SHROOM2: variants seen among roughly 807,000 people sequenced by gnomAD.
The protein encoded by SHROOM2 is protein Shroom2.
SHROOM2 carries 33 observed loss-of-function variants against 75.9 expected under a neutral mutation model. The ratio of observed to expected loss-of-function variants is 0.43; its 90% CI spans 0.33 to 0.58. SHROOM2 has a LOEUF of 0.58. Among genes scored for constraint, SHROOM2 ranks in the 20% least tolerant of loss-of-function variants. The pLI, the probability that SHROOM2 is intolerant of heterozygous loss-of-function variation, is 0.04. For synonymous variants in SHROOM2, 655 were observed against 663.6 expected (o/e 0.99, Z 0.20); for missense variants, 1,434 against 1,461.2 (o/e 0.98, Z 0.30).
At chrX:9,882,903 T>A (rs1339056062) in intron 2 of SHROOM2, among the ~76,000 whole-genome samples, 1 of 112,505 alleles carries the variant, frequency 8.9e-6, no homozygotes, top group East Asian at 2.8e-4. Context: ...TACTTGCCTC[T>A]TATCTCCTAG....
In SHROOM2 at chrX:9,894,454, C is replaced by G; in HGVS notation, c.546C>G (p.Asp182Glu). The change falls in exon 4 of 10, where the codon GAC becomes GAG. Residue 182 changes from aspartate to glutamate, a missense_variant. By Grantham distance (45) the Asp-to-Glu change is conservative. This residue lies in a region of SHROOM2 where 1,340 missense variants were observed against 1,338.3 expected (regional missense o/e 1.00). Coordinates refer to ENST00000380913, the MANE Select transcript of SHROOM2 (RefSeq NM_001649.4). ...CCTTGGGGAGCGTTGACAGCCTGGACCACCCCTCCAGTCGCCTCTCGGTGG... is the reference window on the plus strand; with the variant it reads ...CCTTGGGGAGCGTTGACAGCCTGGAGCACCCCTCCAGTCGCCTCTCGGTGG... Reference protein sequence around the residue: ...FSSLGSVDSLDHPSSRLSVAK... With the variant: ...FSSLGSVDSLEHPSSRLSVAK... The G allele has an allele frequency of 8.3e-7, 1 of 1,211,404 alleles. No individual in the cohort carries two copies. The highest frequency in any genetic ancestry group is 1.1e-6 in the Non-Finnish European group (1 of 895,381).
intron 5 of SHROOM2, among the ~76,000 whole-genome samples, chrX:9,931,973 G>A (rs1176609767): frequency 3.6e-5 from 4 of 110,422 alleles, no homozygotes; most frequent in East Asian, 2.9e-4. Context: ...GGACATGCCA[G>A]TCGACAGCCT....
intron 1 of SHROOM2, among the ~76,000 whole-genome samples, chrX:9,793,189 T>C (rs923810957): frequency 2.7e-5 from 3 of 112,098 alleles, no homozygotes; most frequent in African/African-American, 9.7e-5. Flanking sequence ...TCTTTTGGTA[T>C]TTCTGTCCAT....
intron 1 of SHROOM2, among the ~76,000 whole-genome samples, chrX:9,838,171 C>A (rs1357662048): frequency 9.6e-6 from 1 of 104,150 alleles, no homozygotes; most frequent in Non-Finnish European, 1.9e-5. Context: ...CGCCATTCTT[C>A]TGCCTCAGCC....
chrX:9,832,981 C>T (rs2083924151), intron 1 of SHROOM2, among the ~76,000 whole-genome samples: 1 of 111,337 alleles, frequency 9.0e-6, no homozygotes, highest in South Asian at 3.8e-4. Flanking sequence ...TGTGACTGGG[C>T]AGTCACAGAG....
Position 9,872,518 on chromosome X carries a change from C to T in SHROOM2, c.166-1134C>T, listed in dbSNP as rs1305047202. On this transcript the variant is annotated intron_variant, in intron 1 of 9. Coordinates refer to ENST00000380913, the MANE Select transcript of SHROOM2 (RefSeq NM_001649.4). ...GGCAGAGGTTGCAGTGAGCCGAGAT[C>T]GCACCACTGCACTGCAGCCTGGGTG... 2.7e-5 allele frequency among the ~76,000 whole-genome samples: 3 copies of T among 111,106 alleles called. No individual in the cohort carries two copies. In the East Asian group the frequency reaches 8.5e-4, roughly 32 times the overall value.
Position 9,937,832 on chromosome X carries a change from T to A in SHROOM2, c.4139+147T>A, listed in dbSNP as rs371504261. ...AGGGCTCCTCGATGCTTAGCACTTT[T>A]TGGCTTTTTTGTGAGCCTCCGGAAA... On this transcript the variant is annotated intron_variant, in intron 7 of 9. Coordinates refer to ENST00000380913, the MANE Select transcript of SHROOM2 (RefSeq NM_001649.4). 9.1e-5 allele frequency: 48 copies of A among 530,371 alleles called. No homozygotes were observed. In the South Asian group the frequency reaches 1.4e-3, roughly 15 times the overall value. 43.7% of individuals were successfully genotyped at this position (530,371 alleles called of 1,213,427 possible).
intron 1 of SHROOM2, among the ~76,000 whole-genome samples, chrX:9,833,829 T>G (rs747777398): frequency 2.7e-5 from 3 of 111,632 alleles, no homozygotes; most frequent in South Asian, 7.6e-4. Flanking sequence ...TGTGTCTCCC[T>G]GTCCCACCCC....
At chrX:9,942,070 A>G (rs2084777018) in intron 8 of SHROOM2, among the ~76,000 whole-genome samples, 1 of 110,515 alleles carries the variant, frequency 9.0e-6, no homozygotes, top group East Asian at 2.8e-4. Context: ...CCTTCAGGCT[A>G]GCATTGGTAT....
intron 1 of SHROOM2, among the ~76,000 whole-genome samples, chrX:9,842,691 G>A (rs1258526311): frequency 8.9e-6 from 1 of 112,472 alleles, no homozygotes. Context: ...CCGGTAGCTT[G>A]CAGGCTGGGT....
rs754751103 is a variant in SHROOM2 at position 9,898,181 on chromosome X, C to T, written c.2791-9C>T. On this transcript the variant is annotated splice_polypyrimidine_tract_variant and intron_variant, in intron 4 of 9. Transcript: ENST00000380913. ...AGGACTTGGTGTCTCATTATGTTGC[C>T]CTTTGCAGGAAGCTTCTGTCGAACT... is the stretch of plus-strand genomic sequence containing the variant. 31 of 1,167,166 alleles carry T rather than the reference C, an allele frequency of 2.7e-5. No homozygotes were observed. Among genetic ancestry groups the T allele is most frequent in the African/African-American group, 5.3e-5 (3 of 56,230 alleles).
At chrX:9,796,611 A>C (rs748438926) in intron 1 of SHROOM2, among the ~76,000 whole-genome samples, 1 of 110,636 alleles carries the variant, frequency 9.0e-6, no homozygotes, top group East Asian at 2.9e-4. Flanking sequence ...TAGCTCTTTC[A>C]GATCAATGTG....
intron 1 of SHROOM2, among the ~76,000 whole-genome samples, chrX:9,840,812 C>T (rs998881994): frequency 1.8e-5 from 2 of 111,828 alleles, no homozygotes; most frequent in Admixed American, 1.9e-4. Context: ...CCCCTCACTT[C>T]TTTATACTTT....
chrX:9,862,393 G>A (rs768699115), intron 1 of SHROOM2, among the ~76,000 whole-genome samples: 28 of 109,986 alleles, frequency 2.5e-4, no homozygotes, highest in Non-Finnish European at 4.8e-4. Flanking sequence ...TCACTAGGTA[G>A]TGGAGAAAGT....
At chrX:9,835,668 G>T (rs975726902) in intron 1 of SHROOM2, among the ~76,000 whole-genome samples, 2 of 111,783 alleles carry the variant, frequency 1.8e-5, no homozygotes, top group East Asian at 5.6e-4. Context: ...CTGCCCTAGG[G>T]GGGTACTGGG....
chrX:9,896,060 A>G lies in SHROOM2; in HGVS notation c.2152A>G (p.Met718Val). ...ATACCCGGAGTCACTGGAACACCGGATGGGGGATCCAGACACTGTCCCCCA... is the reference window on the plus strand; with the variant it reads ...ATACCCGGAGTCACTGGAACACCGGGTGGGGGATCCAGACACTGTCCCCCA... ...DLYPESLEHRMGDPDTVPHFW... is the reference protein window; with the variant it reads ...DLYPESLEHRVGDPDTVPHFW... Residue 718 changes from methionine (M) to valine (V), a missense_variant, in exon 4 of 10, where the codon ATG (methionine) becomes GTG (valine). Met to Val is a conservative substitution (Grantham distance 21). Coordinates refer to ENST00000380913, the MANE Select transcript of SHROOM2 (RefSeq NM_001649.4). 8.3e-7 allele frequency: 1 copy of G among 1,210,839 alleles called. No homozygotes were observed. Among genetic ancestry groups the G allele is most frequent in the Non-Finnish European group, 1.1e-6 (1 of 895,383 alleles).
At chrX:9,857,161 A>G (rs2084075691) in intron 1 of SHROOM2, among the ~76,000 whole-genome samples, 2 of 112,511 alleles carry the variant, frequency 1.8e-5, no homozygotes, top group South Asian at 7.3e-4. Flanking sequence ...GGATGAAGAG[A>G]AACAGTGAGG....
chrX:9,800,092 A>G (rs1438131475), intron 1 of SHROOM2, among the ~76,000 whole-genome samples: 2 of 111,049 alleles, frequency 1.8e-5, no homozygotes, highest in African/African-American at 6.5e-5. Flanking sequence ...CGGGGTGTGC[A>G]TTGCTTTCTT....
chrX:9,877,003 C>T (rs1389862752), intron 2 of SHROOM2, among the ~76,000 whole-genome samples: 1 of 112,195 alleles, frequency 8.9e-6, no homozygotes, highest in East Asian at 2.8e-4. Flanking sequence ...CACGGATAAA[C>T]TCCCCTCCCT....
Sources: allele counts gnomAD v4.1 joint callset (sites outside exome capture counted in the v4.1 genomes callset), GRCh38; gene constraint gnomAD v4.1.1; regional missense constraint gnomAD v4.1.1; transcripts MANE v1.5; gene names NCBI Gene and HGNC (gene_info 2026-07-23, HGNC 2026-07-21).